The following ATP10B variants were observed in gnomAD, a reference collection of about 807,000 sequenced individuals.
ATP10B encodes phospholipid-transporting ATPase VB.
Under a neutral mutation model 141.2 loss-of-function variants are expected in ATP10B, and 122 were observed. The ratio of observed to expected loss-of-function variants is 0.86; its 90% CI spans 0.75 to 1.00. ATP10B has a LOEUF of 1.00. ATP10B is among the 50% of genes least tolerant of loss of function. The pLI, the probability that ATP10B is intolerant of heterozygous loss-of-function variation, is 0.00. For missense variants in ATP10B, 1,876 were observed against 1,825.3 expected, an observed-to-expected ratio of 1.03 and a Z score of -0.51; for synonymous variants, 685 against 692.0, an observed-to-expected ratio of 0.99 and a Z score of 0.16.
chr5:160,574,217 G>A (rs1755051363), intron 24 of ATP10B, among the ~76,000 whole-genome samples: 1 of 152,164 alleles, frequency 6.6e-6, no homozygotes, highest in South Asian at 2.1e-4. Flanking sequence ...ATCACTTGAG[G>A]TCAGGAGGAG....
intron 1 of ATP10B, among the ~76,000 whole-genome samples, chr5:160,825,158 T>C (rs977084783): frequency 4.6e-5 from 7 of 152,210 alleles, no homozygotes; most frequent in Admixed American, 3.3e-4. Flanking sequence ...CTGTCCTACA[T>C]ATTTCCTGTG....
In ATP10B at chr5:160,591,074, G is replaced by A; in HGVS notation, c.3630C>T (p.Phe1210=). The A allele has an allele frequency of 6.2e-7, 1 of 1,613,936 alleles. No homozygotes were observed. Among genetic ancestry groups the A allele is most frequent in the Non-Finnish European group, 8.5e-7 (1 of 1,179,876 alleles). ...VDAFYQSLIC[F]FIPYLAYKGS... ...CATGACTTACCAGGTAAGGGATAAA[G>A]AAACAGATGAGGCTCTGGTAGAATG... Residue 1210 remains phenylalanine (F), a synonymous_variant, in exon 23 of 26, where the codon TTC becomes TTT. Transcript: ENST00000327245.
chr5:160,671,874 C>T (rs1762728235), intron 6 of ATP10B, among the ~76,000 whole-genome samples: 1 of 151,938 alleles, frequency 6.6e-6, no homozygotes, highest in Non-Finnish European at 1.5e-5. Flanking sequence ...GACACCAAAA[C>T]CCACAGTTTT....
intron 3 of ATP10B, among the ~76,000 whole-genome samples, chr5:160,708,102 G>A (rs368823509): frequency 2.6e-5 from 4 of 152,146 alleles, no homozygotes; most frequent in African/African-American, 7.2e-5. Context: ...TTATATGCCC[G>A]TCTGATTGAG....
intron 9 of ATP10B, among the ~76,000 whole-genome samples, chr5:160,643,553 T>C (rs888478227): frequency 6.6e-6 from 1 of 152,212 alleles, no homozygotes; most frequent in African/African-American, 2.4e-5. Flanking sequence ...TTATCTTTTT[T>C]CATTGGAAAG....
At chr5:160,923,436 G>A in the ATP10B span, among the ~76,000 whole-genome samples, 12 of 152,304 alleles carry the variant, frequency 7.9e-5, 2 homozygotes, top group South Asian at 2.3e-3. Context: ...TTTACCTCAC[G>A]AGGTTGGAGG....
Position 160,564,010 on chromosome 5 carries a change from A to T in ATP10B, c.*1443T>A, listed in dbSNP as rs1317812389. The T allele has an allele frequency of 6.6e-6, 1 of 152,256 alleles. No individual in the cohort carries two copies. Among genetic ancestry groups the T allele is most frequent in the African/African-American group, 2.4e-5 (1 of 41,446 alleles). 9.4% of individuals were successfully genotyped at this position (152,256 alleles called of 1,614,324 possible). A position where few individuals can be genotyped will look rare whatever the true frequency, so the allele number is the denominator to read the frequency against. ...GTCCAGGTTTGCCAGGAAGATGGTCAGAGGGCCAGCTCCCTGTGTCATTTG... is the reference window on the plus strand; with the variant it reads ...GTCCAGGTTTGCCAGGAAGATGGTCTGAGGGCCAGCTCCCTGTGTCATTTG... On this transcript the variant is annotated 3_prime_UTR_variant, in exon 26 of 26. Transcript: ENST00000327245.
intron 2 of ATP10B, among the ~76,000 whole-genome samples, chr5:160,742,552 G>C (rs1357518934): frequency 6.6e-6 from 1 of 152,156 alleles, no homozygotes; most frequent in African/African-American, 2.4e-5. Context: ...TTCCATACAG[G>C]TCTTTGCTTT....
intron 3 of ATP10B, among the ~76,000 whole-genome samples, chr5:160,699,672 G>C (rs1358377506): frequency 6.6e-6 from 1 of 152,120 alleles, no homozygotes; most frequent in African/African-American, 2.4e-5. Context: ...GCTGCCTTCA[G>C]AGTTTTCCTA....
At chr5:160,801,878 G>C (rs1178806663) in intron 1 of ATP10B, among the ~76,000 whole-genome samples, 5 of 152,270 alleles carry the variant, frequency 3.3e-5, no homozygotes, top group Non-Finnish European at 7.3e-5. Flanking sequence ...AAGCTCTGGA[G>C]GTGGGAACAA....
intron 1 of ATP10B, among the ~76,000 whole-genome samples, chr5:160,802,822 G>A (rs914700582): frequency 1.3e-5 from 2 of 152,188 alleles, no homozygotes; most frequent in Non-Finnish European, 2.9e-5. Flanking sequence ...GTGTGGGGAT[G>A]CTTTTGTCTG....
rs746312850 is a variant in ATP10B at position 160,620,421 on chromosome 5, A to G, written c.2342T>C (p.Leu781Pro). Reference sequence around the variant, plus strand: ...GGTGTAGACAACAATCTCGCCAGTCAGTGGGTGCCTCACAACCACAGACAT... The same window carrying G: ...GGTGTAGACAACAATCTCGCCAGTCGGTGGGTGCCTCACAACCACAGACAT... Reference protein sequence around the residue: ...KRMSVVVRHPLTGEIVVYTKG... With the variant: ...KRMSVVVRHPPTGEIVVYTKG... Residue 781 changes from leucine (L) to proline (P), a missense_variant, in exon 15 of 26, where the codon CTG (leucine) becomes CCG (proline). Transcript: ENST00000327245. 6.2e-7 allele frequency: 1 copy of G among 1,614,082 alleles called. No homozygotes were observed. The highest frequency in any genetic ancestry group is 8.5e-7 in the Non-Finnish European group (1 of 1,180,036).
At chr5:160,864,115 A>G in the ATP10B span, among the ~76,000 whole-genome samples, 1 of 151,882 alleles carries the variant, frequency 6.6e-6, no homozygotes, top group African/African-American at 2.4e-5. Context: ...TAATGCCAAA[A>G]CAAGAAAGGA....
chr5:160,622,646 C>A, intron 13 of ATP10B, 61 bp from the exon 14 acceptor site: 1 of 1,434,608 alleles, frequency 7.0e-7, no homozygotes, highest in Non-Finnish European at 9.5e-7. Flanking sequence ...CCAGAAGAAT[C>A]TTCACATGCC....
intron 1 of ATP10B, among the ~76,000 whole-genome samples, chr5:160,800,649 G>T (rs1165911796): frequency 6.6e-6 from 1 of 152,178 alleles, no homozygotes; most frequent in East Asian, 1.9e-4. Flanking sequence ...GAGAATCTTG[G>T]ATCTTGTTTA....
chr5:160,649,319 T>TGGGA, intron 7 of ATP10B, 63 bp from the exon 8 acceptor site: 8 of 1,172,894 alleles, frequency 6.8e-6, no homozygotes, highest in Non-Finnish European at 1.0e-5. Flanking sequence ...ATAGGATCAC[T>TGGGA]GGGAGAGCTA....
At chr5:160,814,453 C>T (rs528547300) in intron 1 of ATP10B, among the ~76,000 whole-genome samples, 199 of 151,816 alleles carry the variant, frequency 1.3e-3, no homozygotes, top group African/African-American at 3.9e-3. Context: ...TAAAAAGAAA[C>T]GAACAAAGCC....
At chr5:160,569,715 G>C in intron 24 of ATP10B, 32 bp from the exon 25 acceptor site, 8 of 1,478,736 alleles carry the variant, frequency 5.4e-6, no homozygotes, top group Non-Finnish European at 7.2e-6. Context: ...CACTGTTGAA[G>C]GTATAGCTGA....
At chr5:160,847,215 C>T (rs1307672081) in intron 1 of ATP10B, among the ~76,000 whole-genome samples, 1 of 152,168 alleles carries the variant, frequency 6.6e-6, no homozygotes, top group African/African-American at 2.4e-5. Context: ...GTTCCTGGGG[C>T]ATTTCATCAG....
Sources: allele counts gnomAD v4.1 joint callset (sites outside exome capture counted in the v4.1 genomes callset), GRCh38; gene constraint gnomAD v4.1.1; transcripts MANE v1.5; gene names NCBI Gene and HGNC (gene_info 2026-07-23, HGNC 2026-07-21).